Variants in PCDHA1 observed in about 807,000 individuals in gnomAD.
The protein encoded by PCDHA1 is protocadherin alpha 1.
Under a neutral mutation model 61.3 loss-of-function variants are expected in PCDHA1, and 42 were observed. The ratio of observed to expected loss-of-function variants is 0.69; its 90% CI spans 0.54 to 0.89. PCDHA1 has a LOEUF of 0.89. Among genes scored for constraint, PCDHA1 ranks in the 40% least tolerant of loss-of-function variants. The probability of loss-of-function intolerance (pLI) is 0.00; values close to 1 mark genes in which losing one functional copy is unlikely to be tolerated. For synonymous variants in PCDHA1, 610 were observed against 553.8 expected (o/e 1.10, Z -1.43); for missense variants, 1,256 against 1,235.3 (o/e 1.02, Z -0.25).
chr5:140,982,992 A>G (rs1413932820), intron 3 of PCDHA1, among the ~76,000 whole-genome samples: 1 of 151,958 alleles, frequency 6.6e-6, no homozygotes, highest in African/African-American at 2.4e-5. Flanking sequence ...GAGAAAAAGA[A>G]GGAAAGAAAG....
At chr5:140,822,474 T>A in intron 1 of PCDHA1, 2 of 1,613,832 alleles carry the variant, frequency 1.2e-6, no homozygotes, top group South Asian at 2.2e-5. Context: ...ATGTATTGGA[T>A]GCTAATGATA....
At position 140,856,940 on chromosome 5, in the gene PCDHA1, AC is replaced by A. The variant is rs782681005; in HGVS notation, c.2394+68257del. ...AAGGAAATTTTGGATAAACGAAAGGACGGGAGAAATAAAAGTAAATGATGCT... is the reference window on the plus strand; with the variant it reads ...AAGGAAATTTTGGATAAACGAAAGGAGGGAGAAATAAAAGTAAATGATGCT... On this transcript the variant is annotated intron_variant, in intron 1 of 3. Transcript: ENST00000504120. The A allele has an allele frequency of 1.9e-5, 30 of 1,593,712 alleles. No individual in the cohort carries two copies. In the South Asian group the frequency reaches 3.3e-4, roughly 18 times the overall value.
In PCDHA1 at chr5:140,843,704, C is replaced by T. The variant is rs930917896; in HGVS notation, c.2394+55020C>T. On this transcript the variant is annotated intron_variant, in intron 1 of 3. Transcript: ENST00000504120. ...CGAAGAGCAAGATTTAAATGTTGAT[C>T]ATGGCCTCAAAGTAAGTCCATTTAA... The T allele has an allele frequency of 1.2e-5, 19 of 1,580,086 alleles. 1 individual carries two copies. The highest frequency in any genetic ancestry group is 1.7e-5 in the Non-Finnish European group (19 of 1,151,352).
intron 1 of PCDHA1, among the ~76,000 whole-genome samples, chr5:140,957,371 T>G (rs1465346844): frequency 3.3e-5 from 5 of 152,206 alleles, no homozygotes; most frequent in Non-Finnish European, 7.4e-5. Context: ...AAACTTTTAT[T>G]ATAGTGTATT....
intron 1 of PCDHA1, chr5:140,857,704 G>A: frequency 6.3e-7 from 1 of 1,597,424 alleles, no homozygotes; most frequent in Non-Finnish European, 8.6e-7. Flanking sequence ...CGCTGCAGGT[G>A]TTCGTGCTGG....
intron 1 of PCDHA1, chr5:140,841,197 A>G: frequency 7.8e-7 from 1 of 1,277,430 alleles, no homozygotes; most frequent in Non-Finnish European, 1.1e-6. Context: ...CTTTTCTCTG[A>G]CAGCATCTGT....
chr5:140,897,946 T>G (rs1311278458), intron 1 of PCDHA1, among the ~76,000 whole-genome samples: 1 of 152,276 alleles, frequency 6.6e-6, no homozygotes, highest in African/African-American at 2.4e-5. Context: ...CCAGTGATGA[T>G]TAGCATTTTT....
At chr5:140,921,726 A>C (rs1278671755) in intron 1 of PCDHA1, among the ~76,000 whole-genome samples, 1 of 152,170 alleles carries the variant, frequency 6.6e-6, no homozygotes, top group East Asian at 1.9e-4. Flanking sequence ...AATTACTCCC[A>C]TAAAAATTAT....
chr5:140,928,757 G>T (rs372744198), intron 1 of PCDHA1: 1 of 1,614,092 alleles, frequency 6.2e-7, no homozygotes, highest in African/African-American at 1.3e-5. Context: ...CGTACTGCTC[G>T]CTTAGTTCTT....
At chr5:140,982,192 G>A (rs1390222750) in intron 2 of PCDHA1, among the ~76,000 whole-genome samples, 4 of 152,230 alleles carry the variant, frequency 2.6e-5, no homozygotes, top group Non-Finnish European at 4.4e-5. Context: ...TGGGCTTCCT[G>A]TTAGATTTAG....
intron 1 of PCDHA1, chr5:140,869,208 C>T (rs782200592): frequency 2.5e-6 from 4 of 1,613,990 alleles, no homozygotes; most frequent in Middle Eastern, 1.7e-4. Context: ...ACTACTCCGT[C>T]TCGGAGGAGG....
chr5:140,884,002 C>A (rs1189374158), intron 1 of PCDHA1: 1 of 1,612,906 alleles, frequency 6.2e-7, no homozygotes, highest in Admixed American at 1.7e-5. Flanking sequence ...GCACAGTGAG[C>A]GAGCTGATGC....
At chr5:140,870,248 G>T in intron 1 of PCDHA1, 1 of 1,614,190 alleles carries the variant, frequency 6.2e-7, no homozygotes, top group South Asian at 1.1e-5. Context: ...GGTGTCAACG[G>T]ACAGGTGACC....
At chr5:140,927,243 C>A in intron 1 of PCDHA1, 1 of 1,614,132 alleles carries the variant, frequency 6.2e-7, no homozygotes. Flanking sequence ...TCCTGGACAC[C>A]AATGACAACT....
chr5:140,829,028 G>T (rs2150162015), intron 1 of PCDHA1: 1 of 1,613,544 alleles, frequency 6.2e-7, no homozygotes, highest in South Asian at 1.1e-5. Flanking sequence ...TTTTGAACAA[G>T]AAAACTTATA....
intron 1 of PCDHA1, chr5:140,843,207 G>A (rs1778678462): frequency 1.3e-6 from 2 of 1,595,886 alleles, no homozygotes; most frequent in Admixed American, 1.7e-5. Flanking sequence ...CTGTACACGG[G>A]CGAGATCAGC....
intron 1 of PCDHA1, among the ~76,000 whole-genome samples, chr5:140,898,262 C>G (rs2066619852): frequency 6.6e-6 from 1 of 152,130 alleles, no homozygotes; most frequent in Admixed American, 6.5e-5. Context: ...GAAGTCCTTG[C>G]CCATGCCTAA....
chr5:140,915,374 G>A (rs1310466402), intron 1 of PCDHA1, among the ~76,000 whole-genome samples: 3 of 152,016 alleles, frequency 2.0e-5, no homozygotes, highest in Non-Finnish European at 4.4e-5. Flanking sequence ...TAAGTGTCTC[G>A]GCATTGAAGA....
At chr5:140,953,988 A>G (rs1554221181) in intron 1 of PCDHA1, among the ~76,000 whole-genome samples, 1 of 151,898 alleles carries the variant, frequency 6.6e-6, no homozygotes, top group African/African-American at 2.4e-5. Flanking sequence ...TCATATTTTC[A>G]TGTGTACTCA....
Sources: gnomAD v4.1 joint callset for allele counts (sites outside exome capture counted in the v4.1 genomes callset) on GRCh38, gnomAD v4.1.1 for gene constraint, MANE v1.5 for transcripts, NCBI Gene and HGNC (gene_info 2026-07-23, HGNC 2026-07-21) for gene names.